Variants in KAZN observed in about 807,000 individuals in gnomAD.
KAZN encodes the protein kazrin.
KAZN carries 40 observed loss-of-function variants against 87.4 expected under a neutral mutation model. The ratio of observed to expected loss-of-function variants is 0.46; its 90% CI spans 0.36 to 0.60. The LOEUF (loss-of-function observed/expected upper bound fraction) is 0.60. Among genes scored for constraint, KAZN ranks in the 20% least tolerant of loss-of-function variants. The pLI is 0.00. For missense variants in KAZN, 898 were observed against 1,073.9 expected, an observed-to-expected ratio of 0.84 and a Z score of 2.29; for synonymous variants, 466 against 458.3, an observed-to-expected ratio of 1.02 and a Z score of -0.22.
At chr1:14,981,154 G>T (rs992612347) in intron 2 of KAZN, among the ~76,000 whole-genome samples, 3 of 152,238 alleles carry the variant, frequency 2.0e-5, no homozygotes, top group African/African-American at 7.2e-5. Context: ...GGAGCTGGAG[G>T]CCCAGCCTTG....
At chr1:14,348,999 G>A (rs903773234) in intron 2 of KAZN, 1 of 152,230 alleles carries the variant, frequency 6.6e-6, no homozygotes, top group Non-Finnish European at 1.5e-5. Context: ...TACTGAGTGT[G>A]TTTTGTGTGT....
At chr1:15,067,391 G>C in intron 8 of KAZN, 1 of 985,496 alleles carries the variant, frequency 1.0e-6, no homozygotes, top group Non-Finnish European at 1.2e-6. Flanking sequence ...CCCCAAAGAG[G>C]CTTCACCAGC....
At chr1:14,368,282 C>CAG (rs1460077456) in intron 2 of KAZN, among the ~76,000 whole-genome samples, 17 of 152,170 alleles carry the variant, frequency 1.1e-4, no homozygotes, top group Admixed American at 1.1e-3. Flanking sequence ...TGGAAGGCAG[C>CAG]AGTGACCCCA....
chr1:14,534,297 T>A (rs1672363904), intron 2 of KAZN, among the ~76,000 whole-genome samples: 2 of 152,180 alleles, frequency 1.3e-5, no homozygotes. Flanking sequence ...TCCAGGGCAG[T>A]CTGTGGGAAG....
intron 1 of KAZN, among the ~76,000 whole-genome samples, chr1:14,171,681 A>T (rs1209474593): frequency 6.6e-6 from 1 of 152,218 alleles, no homozygotes; most frequent in African/African-American, 2.4e-5. Flanking sequence ...AAATGACAAG[A>T]TCATAAAATC....
intron 2 of KAZN, among the ~76,000 whole-genome samples, chr1:14,517,268 C>T (rs1273589660): frequency 6.6e-6 from 1 of 152,054 alleles, no homozygotes; most frequent in Non-Finnish European, 1.5e-5. Flanking sequence ...AGAATGTAAG[C>T]AAGTTGCTGC....
chr1:14,107,687 T>C (rs1644408074), intron 1 of KAZN, among the ~76,000 whole-genome samples: 1 of 152,172 alleles, frequency 6.6e-6, no homozygotes, highest in Non-Finnish European at 1.5e-5. Flanking sequence ...GCAGTGGAGA[T>C]CCTATGAGAT....
intron 1 of KAZN, among the ~76,000 whole-genome samples, chr1:14,725,118 T>C (rs1226909674): frequency 6.6e-6 from 1 of 152,230 alleles, no homozygotes; most frequent in African/African-American, 2.4e-5. Flanking sequence ...TCAGGGGCCA[T>C]TGGGGCTGAT....
chr1:14,321,232 ACAGT>A (rs1656030413), intron 2 of KAZN, among the ~76,000 whole-genome samples: 3 of 152,246 alleles, frequency 2.0e-5, no homozygotes, highest in Admixed American at 2.0e-4. Flanking sequence ...ATGTGGGCAA[ACAGT>A]CAAAGGAAAT....
chr1:14,543,849 TA>T (rs1672962832), intron 2 of KAZN, among the ~76,000 whole-genome samples: 1 of 152,196 alleles, frequency 6.6e-6, no homozygotes, highest in Non-Finnish European at 1.5e-5. Context: ...GGAATAAGAT[TA>T]TTAGATGACC....
intron 2 of KAZN, among the ~76,000 whole-genome samples, chr1:14,246,499 TTTTG>T (rs2100595894): frequency 6.6e-6 from 1 of 152,280 alleles, no homozygotes; most frequent in Non-Finnish European, 1.5e-5. Context: ...TCTTTTTATT[TTTTG>T]TTTTGGGAAG....
chr1:14,385,670 C>T (rs1250355942), intron 2 of KAZN, among the ~76,000 whole-genome samples: 1 of 151,934 alleles, frequency 6.6e-6, no homozygotes, highest in Non-Finnish European at 1.5e-5. Context: ...GCACTGTGGT[C>T]TGAGAGATAG....
intron 2 of KAZN, among the ~76,000 whole-genome samples, chr1:14,424,782 A>G (rs939293544): frequency 1.3e-5 from 2 of 152,200 alleles, no homozygotes; most frequent in African/African-American, 4.8e-5. Context: ...GCCTCAAGCC[A>G]TTCCTATAAA....
chr1:15,020,446 G>A (rs781165611), intron 2 of KAZN, among the ~76,000 whole-genome samples: 74 of 152,116 alleles, frequency 4.9e-4, no homozygotes, highest in Non-Finnish European at 7.1e-4. Context: ...ATCCCCCTCC[G>A]AAGGTAGCCT....
At chr1:14,176,956 G>A (rs767668398) in intron 1 of KAZN, among the ~76,000 whole-genome samples, 1 of 152,072 alleles carries the variant, frequency 6.6e-6, no homozygotes, top group African/African-American at 2.4e-5. Flanking sequence ...TCAGGAGTTC[G>A]AGACCAGCCT....
intron 1 of KAZN, among the ~76,000 whole-genome samples, chr1:14,847,006 G>T (rs919509186): frequency 3.9e-5 from 6 of 152,178 alleles, no homozygotes; most frequent in Admixed American, 6.5e-5. Context: ...CCTGCTCTAA[G>T]TCACAGCGAG....
intron 1 of KAZN, among the ~76,000 whole-genome samples, chr1:14,725,193 C>T (rs1643318668): frequency 6.6e-6 from 1 of 152,154 alleles, no homozygotes; most frequent in Admixed American, 6.5e-5. Flanking sequence ...TCCTGTGTGC[C>T]AAGTATTCTC....
intron 2 of KAZN, among the ~76,000 whole-genome samples, chr1:14,385,014 G>C (rs539821787): frequency 6.6e-6 from 1 of 151,354 alleles, no homozygotes; most frequent in African/African-American, 2.4e-5. Flanking sequence ...GGTCTATTCA[G>C]AGATTCAACT....
intron 2 of KAZN, among the ~76,000 whole-genome samples, chr1:14,574,770 T>C (rs1475360776): frequency 2.0e-5 from 3 of 152,282 alleles, no homozygotes; most frequent in African/African-American, 7.2e-5. Context: ...AGAGGTCTCG[T>C]CCTGCCCTTG....
Sources: gnomAD v4.1 joint callset for allele counts (sites outside exome capture counted in the v4.1 genomes callset) on GRCh38, gnomAD v4.1.1 for gene constraint, MANE v1.5 for transcripts, NCBI Gene and HGNC (gene_info 2026-07-23, HGNC 2026-07-21) for gene names.